The following SLCO1A2 variants were observed in gnomAD, a reference collection of about 807,000 sequenced individuals.
SLCO1A2 encodes the protein OATP-1.
Under a neutral mutation model 69.0 loss-of-function variants are expected in SLCO1A2, and 67 were observed. The observed-to-expected ratio is 0.97, with a 90% CI of 0.80 to 1.19. The LOEUF is 1.19. Among genes scored for constraint, SLCO1A2 ranks in the 50% most tolerant of loss-of-function variants. SLCO1A2 has a pLI of 0.00. For synonymous variants in SLCO1A2, 260 were observed against 265.9 expected (o/e 0.98, Z 0.22); for missense variants, 787 against 793.7 (o/e 0.99, Z 0.10).
intron 1 of SLCO1A2, chr12:21,378,202 G>C (rs777146031): frequency 6.3e-7 from 1 of 1,596,740 alleles, no homozygotes; most frequent in Non-Finnish European, 8.6e-7. Flanking sequence ...AAAATTCTAA[G>C]GCTCTAACTT....
At chr12:21,369,345 G>A (rs1293144194) in intron 2 of SLCO1A2, among the ~76,000 whole-genome samples, 1 of 152,032 alleles carries the variant, frequency 6.6e-6, no homozygotes, top group African/African-American at 2.4e-5. Context: ...CTGGTCTAAG[G>A]CCTCATGATC....
chr12:21,401,131 A>T (rs1423823012), intron 1 of SLCO1A2, among the ~76,000 whole-genome samples: 4 of 152,154 alleles, frequency 2.6e-5, no homozygotes, highest in Non-Finnish European at 5.9e-5. Flanking sequence ...AGCTAATACA[A>T]GAAAATGAGA....
chr12:21,355,917 A>G (rs1938327625), intron 2 of SLCO1A2, among the ~76,000 whole-genome samples: 1 of 152,174 alleles, frequency 6.6e-6, no homozygotes, highest in South Asian at 2.1e-4. Flanking sequence ...TTAGAACTAA[A>G]CTAACTTAAT....
At chr12:21,284,047 A>T (rs560835821) in intron 12 of SLCO1A2, among the ~76,000 whole-genome samples, 1 of 152,182 alleles carries the variant, frequency 6.6e-6, no homozygotes, top group Non-Finnish European at 1.5e-5. Context: ...TGATCCAGCA[A>T]TCCCACTTCT....
At chr12:21,396,078 C>A (rs1398177422), upstream of SLCO1A2, among the ~76,000 whole-genome samples, 1 of 151,692 alleles carries the variant, frequency 6.6e-6, no homozygotes, top group Non-Finnish European at 1.5e-5. Flanking sequence ...TTACTCTGAG[C>A]TACGGGAGGA....
chr12:21,373,537 T>A (rs1013739063), intron 2 of SLCO1A2: 1 of 806,556 alleles, frequency 1.2e-6, no homozygotes, highest in African/African-American at 1.7e-5. Context: ...GACTATATCA[T>A]ACTTAAGAAC....
chr12:21,364,575 G>T (rs1375375971), intron 2 of SLCO1A2, among the ~76,000 whole-genome samples: 1 of 152,156 alleles, frequency 6.6e-6, no homozygotes, highest in South Asian at 2.1e-4. Flanking sequence ...AAGAAATAAA[G>T]GGTATTCAAT....
At chr12:21,302,231 C>T (rs1307756636) in intron 6 of SLCO1A2, among the ~76,000 whole-genome samples, 2 of 152,096 alleles carry the variant, frequency 1.3e-5, no homozygotes, top group African/African-American at 4.8e-5. Context: ...TTTACATTCT[C>T]CTCCAAATAC....
At chr12:21,320,263 C>A (rs1225517722) in intron 2 of SLCO1A2, among the ~76,000 whole-genome samples, 1 of 152,152 alleles carries the variant, frequency 6.6e-6, no homozygotes, top group Non-Finnish European at 1.5e-5. Context: ...TTCTCAGTCT[C>A]CAACCCAGCC....
At chr12:21,331,195 G>A (rs1350303648) in intron 2 of SLCO1A2, among the ~76,000 whole-genome samples, 1 of 152,048 alleles carries the variant, frequency 6.6e-6, no homozygotes, top group Non-Finnish European at 1.5e-5. Context: ...CACAGAGAAA[G>A]AAAGGGTGAG....
At chr12:21,290,785 C>T (rs910207310) in intron 12 of SLCO1A2, among the ~76,000 whole-genome samples, 1 of 152,028 alleles carries the variant, frequency 6.6e-6, no homozygotes, top group African/African-American at 2.4e-5. Context: ...TCCAAATACA[C>T]AAACACTAAG....
intron 8 of SLCO1A2, among the ~76,000 whole-genome samples, chr12:21,299,250 T>C (rs1055759678): frequency 1.3e-5 from 2 of 152,128 alleles, no homozygotes; most frequent in African/African-American, 4.8e-5. Flanking sequence ...GTGATTCCAA[T>C]GTGCAGCCAA....
intron 1 of SLCO1A2, among the ~76,000 whole-genome samples, chr12:21,387,702 G>A (rs11046008): frequency 0.36 from 54,893 of 152,132 alleles, 10,597 homozygotes; most frequent in Middle Eastern, 0.46. Context: ...AGGGACATGC[G>A]GGGTTGGAGC....
In SLCO1A2 at chr12:21,357,565, G is replaced by A. The variant is rs1011827778; in HGVS notation, c.-63+16834C>T. Among the ~76,000 whole-genome samples, 3 of 152,182 alleles carry A rather than the reference G, an allele frequency of 2.0e-5. No homozygotes were observed. The East Asian group carries it at 5.8e-4, about 29-fold the overall frequency. On this transcript the variant is annotated intron_variant, in intron 2 of 15. Transcript: ENST00000307378. ...TGTCATTGTTATTTTCCCATTTGTT[G>A]ACCAAATCTCCAACTGGACTATATG...
At chr12:21,332,059 T>G (rs1196734418) in intron 2 of SLCO1A2, among the ~76,000 whole-genome samples, 1 of 152,124 alleles carries the variant, frequency 6.6e-6, no homozygotes, top group African/African-American at 2.4e-5. Flanking sequence ...CAAAAGTATC[T>G]GAGACAGGTC....
chr12:21,394,059 A>G (rs1591912794), intron 1 of SLCO1A2, among the ~76,000 whole-genome samples: 1 of 151,838 alleles, frequency 6.6e-6, no homozygotes, highest in Non-Finnish European at 1.5e-5. Context: ...AATATTGCAC[A>G]GTGACCTTCA....
intron 12 of SLCO1A2, among the ~76,000 whole-genome samples, chr12:21,285,288 C>T (rs1198663239): frequency 2.6e-5 from 4 of 152,198 alleles, no homozygotes; most frequent in African/African-American, 7.2e-5. Context: ...GACACATACA[C>T]TCTCCCAAGA....
chr12:21,413,414 G>A (rs920976838), intron 1 of SLCO1A2, among the ~76,000 whole-genome samples: 1 of 151,306 alleles, frequency 6.6e-6, no homozygotes, highest in African/African-American at 2.4e-5. Context: ...GCTAATTTTT[G>A]TATTTTTAGT....
chr12:21,272,756 GC>G (rs1349705637), intron 14 of SLCO1A2, among the ~76,000 whole-genome samples: 6 of 151,998 alleles, frequency 3.9e-5, no homozygotes, highest in African/African-American at 1.4e-4. Context: ...TAACCAATTT[GC>G]AAAACCACTT....
Sources: allele counts gnomAD v4.1 joint callset (sites outside exome capture counted in the v4.1 genomes callset), GRCh38; gene constraint gnomAD v4.1.1; transcripts MANE v1.5; gene names NCBI Gene and HGNC (gene_info 2026-07-23, HGNC 2026-07-21).